Variants in PDLIM1 observed in about 807,000 individuals in gnomAD.
PDLIM1 encodes the protein PDZ and LIM domain protein 1.
A neutral mutation model predicts 35.2 loss-of-function variants in PDLIM1; 25 were observed. That is an observed-to-expected ratio of 0.71 (90% CI 0.52 to 0.99). The LOEUF (loss-of-function observed/expected upper bound fraction) is 0.99. Among genes scored for constraint, PDLIM1 ranks in the 50% least tolerant of loss-of-function variants. The pLI, the probability that PDLIM1 is intolerant of heterozygous loss-of-function variation, is 0.00. For missense variants in PDLIM1, 363 were observed against 415.3 expected, an observed-to-expected ratio of 0.87 and a Z score of 1.09; for synonymous variants, 152 against 154.0, an observed-to-expected ratio of 0.99 and a Z score of 0.10.
intron 4 of PDLIM1, among the ~76,000 whole-genome samples, chr10:95,248,414 T>C (rs1037110957): frequency 2.6e-5 from 4 of 152,096 alleles, no homozygotes; most frequent in Admixed American, 2.6e-4. Context: ...CCCCCGCTGA[T>C]TTTGTCATTA....
At chr10:95,260,841 CAAG>C (rs2035355373) in intron 4 of PDLIM1, among the ~76,000 whole-genome samples, 1 of 152,170 alleles carries the variant, frequency 6.6e-6, no homozygotes, top group Non-Finnish European at 1.5e-5. Flanking sequence ...GCTGACTGAG[CAAG>C]CAAAGTTACC....
At chr10:95,260,925 A>AT (rs1358437443) in intron 4 of PDLIM1, among the ~76,000 whole-genome samples, 1 of 152,230 alleles carries the variant, frequency 6.6e-6, no homozygotes, top group East Asian at 1.9e-4. Context: ...GCAAGCTGAG[A>AT]TCCCCCCATA....
chr10:95,290,832 G>T lies in PDLIM1; in HGVS notation c.84C>A (p.Leu28=), dbSNP rs764286580. 1.9e-6 allele frequency: 3 copies of T among 1,562,480 alleles called. No homozygotes were observed. The highest frequency in any genetic ancestry group is 5.1e-5 in the East Asian group (2 of 39,048). Residue 28 remains leucine (L), a synonymous_variant, in exon 1 of 7, where the codon CTC becomes CTA. Transcript: ENST00000329399. The surrounding 1 kb of genome is among the most constrained non-coding windows in gnomAD (Gnocchi z 4.7). ...LVGGKDFEQP[L]AISRVTPGSK... Reference sequence around the variant, plus strand: ...CAGCTGCTCTTACCCGGGAAATGGCGAGAGGCTGCTCGAAGTCCTTGCCGC... The same window carrying T: ...CAGCTGCTCTTACCCGGGAAATGGCTAGAGGCTGCTCGAAGTCCTTGCCGC...
chr10:95,242,334 A>G (rs559109967), intron 5 of PDLIM1, among the ~76,000 whole-genome samples: 3 of 152,034 alleles, frequency 2.0e-5, no homozygotes, highest in Non-Finnish European at 4.4e-5. Flanking sequence ...TTTTTTTAAT[A>G]TTGCATTTAA....
chr10:95,245,084 A>C (rs1244037738), intron 5 of PDLIM1, among the ~76,000 whole-genome samples: 2 of 152,228 alleles, frequency 1.3e-5, no homozygotes, highest in Admixed American at 1.3e-4. Flanking sequence ...TTCCAGCAGA[A>C]TCTTGATTCT....
chr10:95,256,974 T>TA (rs1186043233), intron 4 of PDLIM1, among the ~76,000 whole-genome samples: 199 of 17,334 alleles, frequency 0.011, 7 homozygotes, highest in African/African-American at 0.015. Context: ...GACTTCATCT[T>TA]AAAAAAAAAA....
chr10:95,274,489 T>C (rs1024189776), intron 1 of PDLIM1, among the ~76,000 whole-genome samples: 3 of 151,822 alleles, frequency 2.0e-5, no homozygotes, highest in Non-Finnish European at 4.4e-5. Flanking sequence ...AGATGGGGTT[T>C]TTTCACCATG....
At chr10:95,267,116 T>C (rs976819475) in intron 3 of PDLIM1, among the ~76,000 whole-genome samples, 4 of 152,222 alleles carry the variant, frequency 2.6e-5, no homozygotes, top group African/African-American at 9.6e-5. Flanking sequence ...AAAGCATTAC[T>C]AGAATCACAA....
intron 1 of PDLIM1, among the ~76,000 whole-genome samples, chr10:95,288,148 GTATTT>G (rs1472328693): frequency 1.3e-5 from 2 of 152,052 alleles, no homozygotes; most frequent in Non-Finnish European, 2.9e-5. Flanking sequence ...CTGTGCATTT[GTATTT>G]TATGATTTTT....
At position 95,290,798 on chromosome 10, in the gene PDLIM1, C is replaced by T. The variant is rs45546031; in HGVS notation, c.96+22G>A. 253,998 of 1,512,360 alleles carry T rather than the reference C, an allele frequency of 0.17. 23,519 individuals are homozygous for T. Among genetic ancestry groups the T allele is most frequent in the Middle Eastern group, 0.19 (1,095 of 5,734 alleles). The allele number at this position is 1,512,360 out of a possible 1,614,324, so 93.7% of individuals were successfully genotyped here. A position where few individuals can be genotyped will look rare whatever the true frequency, so the allele number is the denominator to read the frequency against. On this transcript the variant is annotated intron_variant, in intron 1 of 6. Transcript: ENST00000329399. The surrounding 1 kb of genome is among the most constrained non-coding windows in gnomAD (Gnocchi z 4.7). ...CACCTCCCATAGCGCCCCGCTTCCA[C>T]GCACGTCCCAGCTGCTCTTACCCGG...
intron 4 of PDLIM1, among the ~76,000 whole-genome samples, chr10:95,262,628 C>T (rs2035374919): frequency 6.7e-6 from 1 of 149,160 alleles, no homozygotes; most frequent in Admixed American, 6.8e-5. Context: ...TTACTCAGAG[C>T]TCTGCCTCAG....
intron 1 of PDLIM1, among the ~76,000 whole-genome samples, chr10:95,274,350 G>C (rs1037210794): frequency 6.2e-5 from 9 of 146,136 alleles, no homozygotes; most frequent in African/African-American, 2.0e-4. Context: ...TTGGTGTACA[G>C]TGGCGCAGTC....
At chr10:95,271,893 G>C in intron 1 of PDLIM1, 109 bp from the exon 2 acceptor site, 1 of 941,732 alleles carries the variant, frequency 1.1e-6, no homozygotes, top group South Asian at 1.6e-5. Context: ...AAAGAAAAGA[G>C]GGCTGAAATC....
intron 1 of PDLIM1, among the ~76,000 whole-genome samples, chr10:95,289,532 C>T (rs991550709): frequency 2.6e-5 from 4 of 152,140 alleles, no homozygotes; most frequent in African/African-American, 9.7e-5. Flanking sequence ...CCAGGCCAAC[C>T]GGGAAAGAAG....
chr10:95,282,972 A>G (rs969232863), intron 1 of PDLIM1, among the ~76,000 whole-genome samples: 2 of 152,190 alleles, frequency 1.3e-5, no homozygotes, highest in Non-Finnish European at 2.9e-5. Flanking sequence ...AAAAGTTTCC[A>G]AACAAGCTCC....
intron 4 of PDLIM1, among the ~76,000 whole-genome samples, chr10:95,258,428 A>G (rs1041843170): frequency 2.6e-5 from 4 of 151,950 alleles, no homozygotes; most frequent in Non-Finnish European, 5.9e-5. Context: ...TTAAACCTGG[A>G]GGGGCAGAGT....
chr10:95,247,157 A>C (rs2035228393), intron 5 of PDLIM1, 58 bp downstream of exon 5: 2 of 1,503,382 alleles, frequency 1.3e-6, no homozygotes, highest in South Asian at 2.5e-5. Context: ...TTCCACAATG[A>C]CTGACTCTCA....
chr10:95,237,764 G>C lies in PDLIM1; in HGVS notation c.*161C>G, dbSNP rs2035138295. On this transcript the variant is annotated 3_prime_UTR_variant, in exon 7 of 7. Coordinates refer to ENST00000329399, the MANE Select transcript of PDLIM1 (RefSeq NM_020992.4). ...TTGTAAAAGCGGGCATCGCACAGCTGGTGTGAGTCAATTAACCAAGGCAGG... is the reference window on the plus strand; with the variant it reads ...TTGTAAAAGCGGGCATCGCACAGCTCGTGTGAGTCAATTAACCAAGGCAGG... 1.6e-6 allele frequency: 1 copy of C among 612,096 alleles called. No homozygotes were observed. The allele number at this position is 612,096 out of a possible 1,614,324, so 37.9% of individuals were successfully genotyped here.
intron 1 of PDLIM1, among the ~76,000 whole-genome samples, chr10:95,279,862 G>A (rs373633443): frequency 6.6e-6 from 1 of 152,168 alleles, no homozygotes; most frequent in Admixed American, 6.5e-5. Context: ...TCCCACTGGG[G>A]ACCCACTGGG....
Sources: allele counts gnomAD v4.1 joint callset (sites outside exome capture counted in the v4.1 genomes callset), GRCh38; gene constraint gnomAD v4.1.1; non-coding constraint Gnocchi (gnomAD v3.1); transcripts MANE v1.5; gene names NCBI Gene and HGNC (gene_info 2026-07-23, HGNC 2026-07-21).